YWHAE: variants seen among roughly 807,000 people sequenced by gnomAD.
The protein encoded by YWHAE is tyrosine 3-monooxygenase/tryptophan 5-monooxygenase activation protein epsilon.
YWHAE carries 4 observed loss-of-function variants against 30.1 expected under a neutral mutation model. The observed-to-expected ratio is 0.13, with a 90% CI of 0.07 to 0.30. The LOEUF (loss-of-function observed/expected upper bound fraction) is 0.30. YWHAE is among the 10% of genes least tolerant of loss of function. YWHAE has a pLI of 1.00. For synonymous variants in YWHAE, 118 were observed against 111.8 expected (o/e 1.06, Z -0.35); for missense variants, 121 against 315.9 (o/e 0.38, Z 4.68).
intron 1 of YWHAE, among the ~76,000 whole-genome samples, chr17:1,398,334 T>TC (rs11389163): frequency 0.49 from 48,930 of 99,690 alleles, 9,504 homozygotes; most frequent in Middle Eastern, 0.61. Flanking sequence ...CCCCATCTTA[T>TC]CCCCCCCCCC....
intron 4 of YWHAE, among the ~76,000 whole-genome samples, chr17:1,357,624 T>G (rs1214473679): frequency 6.6e-6 from 1 of 151,674 alleles, no homozygotes; most frequent in Non-Finnish European, 1.5e-5. Flanking sequence ...CTGCAATATT[T>G]ACTGTAAAAA....
rs569308735 is a variant in YWHAE, at chr17:1,370,424, A to C, written c.65-5366T>G. On this transcript the variant is annotated intron_variant, in intron 1 of 5. Coordinates refer to ENST00000264335, the MANE Select transcript of YWHAE (RefSeq NM_006761.5). ...GGGATTACAGGCGTGAGCCACCGCG[A>C]CTGGCCAGAACAACTTTTTGTTTTT... Among the ~76,000 whole-genome samples, 129 of 150,208 alleles carry C rather than the reference A, an allele frequency of 8.6e-4. 1 individual carries two copies. The highest frequency in any genetic ancestry group is 2.4e-3 in the East Asian group (12 of 4,958).
chr17:1,346,626 A>G lies in YWHAE; in HGVS notation c.716-1127T>C, dbSNP rs79788830. 4.3e-3 allele frequency among the ~76,000 whole-genome samples: 653 copies of G among 152,308 alleles called. 6 individuals are homozygous for G. Among genetic ancestry groups the G allele is most frequent in the African/African-American group, 0.015 (627 of 41,570 alleles). On this transcript the variant is annotated intron_variant, in intron 5 of 5. Coordinates refer to ENST00000264335, the MANE Select transcript of YWHAE (RefSeq NM_006761.5). ...ATCTCTTCTGCGGCGGAAACGCTTG[A>G]CATTGCTGTGTGACTTCAAAACCCA...
At chr17:1,388,128 T>G (rs1190707492) in intron 1 of YWHAE, among the ~76,000 whole-genome samples, 13 of 101,774 alleles carry the variant, frequency 1.3e-4, no homozygotes, top group Admixed American at 4.3e-4. Flanking sequence ...GTTTTTTTTT[T>G]TTTTTTTTTT....
intron 5 of YWHAE, chr17:1,352,349 T>A (rs547421186): frequency 6.6e-6 from 1 of 152,138 alleles, no homozygotes; most frequent in East Asian, 1.9e-4. Flanking sequence ...AACCCAAAAG[T>A]CACAAATCTG....
chr17:1,371,208 G>A (rs530127050), intron 1 of YWHAE, among the ~76,000 whole-genome samples: 200 of 152,080 alleles, frequency 1.3e-3, no homozygotes, highest in Non-Finnish European at 2.2e-3. Context: ...TCAGCCTCCT[G>A]AGTAGCTGGG....
intron 2 of YWHAE, among the ~76,000 whole-genome samples, chr17:1,362,622 A>G (rs1168549281): frequency 6.6e-6 from 1 of 151,914 alleles, no homozygotes; most frequent in African/African-American, 2.4e-5. Context: ...CTATCCACTG[A>G]TCATGCTGAA....
chr17:1,391,955 G>A (rs995297398), intron 1 of YWHAE, among the ~76,000 whole-genome samples: 1 of 152,124 alleles, frequency 6.6e-6, no homozygotes, highest in African/African-American at 2.4e-5. Context: ...GGTGGCTCAC[G>A]CCTGTAATCG....
chr17:1,355,361 G>GT (rs1491296629), intron 4 of YWHAE, among the ~76,000 whole-genome samples: 1 of 151,010 alleles, frequency 6.6e-6, no homozygotes, highest in Non-Finnish European at 1.5e-5. Context: ...GGGTTTCACC[G>GT]TGTTAGCCAG....
chr17:1,396,493 ATCAAAACTTC>A (rs2073473926), intron 1 of YWHAE, among the ~76,000 whole-genome samples: 1 of 152,228 alleles, frequency 6.6e-6, no homozygotes, highest in East Asian at 1.9e-4. Context: ...CAACATGACC[ATCAAAACTTC>A]ATCCTACCTT....
chr17:1,371,047 G>A (rs752994695), intron 1 of YWHAE, among the ~76,000 whole-genome samples: 1 of 151,990 alleles, frequency 6.6e-6, no homozygotes, highest in Non-Finnish European at 1.5e-5. Flanking sequence ...AACTACATCA[G>A]AGCTCCAGGG....
In YWHAE at chr17:1,345,505, AAAAAAG is replaced by A. The variant is rs2072501140; in HGVS notation, c.716-12_716-7del. On this transcript the variant is annotated splice_region_variant and splice_polypyrimidine_tract_variant and intron_variant, in intron 5 of 5. Transcript: ENST00000264335. ...TTCTTTATTCTGCTCTTCACCTGTT[AAAAAAG>A]AAAAAAAGTCAATTATTTCGTATTG... 1.9e-6 allele frequency: 3 copies of A among 1,613,146 alleles called. No individual in the cohort carries two copies. Among genetic ancestry groups the A allele is most frequent in the Non-Finnish European group, 8.5e-7 (1 of 1,179,756 alleles).
chr17:1,350,534 C>T (rs2072611781), intron 5 of YWHAE, among the ~76,000 whole-genome samples: 4 of 151,934 alleles, frequency 2.6e-5, no homozygotes, highest in African/African-American at 4.8e-5. Flanking sequence ...CTCTGCCTCC[C>T]GGGTTCAAGT....
At chr17:1,355,593 A>G (rs1001846886) in intron 4 of YWHAE, among the ~76,000 whole-genome samples, 18 of 152,210 alleles carry the variant, frequency 1.2e-4, no homozygotes, top group African/African-American at 4.3e-4. Context: ...AGCCATTTAC[A>G]GTTTTAAAAG....
At chr17:1,352,614 C>T (rs759532584) in intron 5 of YWHAE, among the ~76,000 whole-genome samples, 12 of 152,010 alleles carry the variant, frequency 7.9e-5, no homozygotes, top group Non-Finnish European at 1.5e-4. Flanking sequence ...CAACCTCCGC[C>T]TCCTGGGTTT....
At chr17:1,374,477 C>T in intron 1 of YWHAE, among the ~76,000 whole-genome samples, 1 of 152,140 alleles carries the variant, frequency 6.6e-6, no homozygotes, top group Non-Finnish European at 1.5e-5. Context: ...ACTTCAGGAT[C>T]ACATGGTAAC....
chr17:1,356,871 A>G (rs2072753353), intron 4 of YWHAE, among the ~76,000 whole-genome samples: 1 of 152,246 alleles, frequency 6.6e-6, no homozygotes, highest in South Asian at 2.1e-4. Context: ...TAAAGTTCCA[A>G]TGTATCAGTT....
rs531072427 is a variant in YWHAE, at chr17:1,349,857, G to A, written c.715+4354C>T. Among the ~76,000 whole-genome samples, 757 of 151,828 alleles carry A rather than the reference G, an allele frequency of 5.0e-3. 7 individuals carry two copies. The highest frequency in any genetic ancestry group is 0.017 in the African/African-American group (714 of 41,418). On this transcript the variant is annotated intron_variant, in intron 5 of 5. Transcript: ENST00000264335. ...TCTCAATCTTCTGACCTCGTGATCC[G>A]CCCGCCTCAGCCTCCCAAAGTGCTG...
chr17:1,370,169 C>CT (rs1401758211), intron 1 of YWHAE, among the ~76,000 whole-genome samples: 3 of 139,140 alleles, frequency 2.2e-5, no homozygotes, highest in Non-Finnish European at 4.6e-5. Flanking sequence ...GCTCTGTCAC[C>CT]AGGCTGGAGT....
Sources: allele counts gnomAD v4.1 joint callset (sites outside exome capture counted in the v4.1 genomes callset), GRCh38; gene constraint gnomAD v4.1.1; transcripts MANE v1.5; gene names NCBI Gene and HGNC (gene_info 2026-07-23, HGNC 2026-07-21).